Variants in CFAP43 observed in about 807,000 individuals in gnomAD.
The protein encoded by CFAP43 is cilia and flagella associated protein 43.
A neutral mutation model predicts 218.9 loss-of-function variants in CFAP43; 155 were observed. The ratio of observed to expected loss-of-function variants is 0.71; its 90% CI spans 0.62 to 0.81. The LOEUF is 0.81. Among genes scored for constraint, CFAP43 ranks in the 30% least tolerant of loss-of-function variants. The pLI, the probability that CFAP43 is intolerant of heterozygous loss-of-function variation, is 0.00. For synonymous variants in CFAP43, 645 were observed against 681.3 expected, an observed-to-expected ratio of 0.95 and a Z score of 0.83; for missense variants, 1,778 against 1,954.3, an observed-to-expected ratio of 0.91 and a Z score of 1.70.
Position 104,214,403 on chromosome 10 carries a change from A to C in CFAP43, c.440T>G (p.Leu147Trp). The C allele has an allele frequency of 6.3e-7, 1 of 1,594,336 alleles. No homozygotes were observed. The highest frequency in any genetic ancestry group is 1.1e-5 in the South Asian group (1 of 87,046). ...CATTCCAGGCTGTGATTTCTTACAC[A>C]AAATGATACTCGATTCCCAGTTCCT... ...ALWNWESSII[L>W]CKKSQPGMDV... Residue 147 changes from leucine to tryptophan, a missense_variant, in exon 4 of 38, where the codon TTG becomes TGG. By Grantham distance (61) the Leu-to-Trp change is moderately conservative. This residue lies in a region of CFAP43 where 1,553 missense variants were observed against 1,685.2 expected (regional missense o/e 0.92). Transcript: ENST00000357060.
rs2091475317 is a variant in CFAP43 at position 104,232,349 on chromosome 10, C to T, written c.-103G>A. 13 of 1,170,466 alleles carry T rather than the reference C, an allele frequency of 1.1e-5. No homozygotes were observed. The highest frequency in any genetic ancestry group is 1.4e-5 in the Non-Finnish European group (12 of 861,354). 72.5% of individuals were successfully genotyped at this position (1,170,466 alleles called of 1,614,324 possible). On this transcript the variant is annotated 5_prime_UTR_variant, in exon 1 of 38. Coordinates refer to ENST00000357060, the MANE Select transcript of CFAP43 (RefSeq NM_025145.7). ...GGGGCTGCGGGCCGCGACGCCGCTG[C>T]TGTGTACACCCGTATCCCGGAGACC...
intron 10 of CFAP43, 139 bp from the exon 11 acceptor site, chr10:104,194,153 T>C (rs1052786801): frequency 3.3e-6 from 3 of 896,168 alleles, no homozygotes; most frequent in African/African-American, 3.3e-5. Flanking sequence ...TTTCAAATTA[T>C]ACCCTCAACG....
intron 34 of CFAP43, among the ~76,000 whole-genome samples, chr10:104,135,757 T>A (rs2087411832): frequency 6.6e-6 from 1 of 151,518 alleles, no homozygotes; most frequent in African/African-American, 2.4e-5. Context: ...TGTTCTTGGA[T>A]CAAAAGACTT....
intron 19 of CFAP43, among the ~76,000 whole-genome samples, chr10:104,176,116 A>G (rs546957686): frequency 6.6e-6 from 1 of 152,346 alleles, no homozygotes; most frequent in South Asian, 2.1e-4. Flanking sequence ...AAGAACTATT[A>G]TAAAGTGATA....
chr10:104,187,258 C>T, intron 14 of CFAP43, 62 bp downstream of exon 14: 4 of 1,384,250 alleles, frequency 2.9e-6, no homozygotes, highest in Non-Finnish European at 3.8e-6. Flanking sequence ...CACATCTAAT[C>T]AGTATAATGT....
chr10:104,217,690 T>C (rs1376035641), intron 3 of CFAP43, among the ~76,000 whole-genome samples: 1 of 152,156 alleles, frequency 6.6e-6, no homozygotes, highest in Non-Finnish European at 1.5e-5. Flanking sequence ...GTGGCAATCA[T>C]CCTGCAGAGC....
In CFAP43 at chr10:104,168,788, C is replaced by T; in HGVS notation, c.2647G>A (p.Glu883Lys). 6.2e-7 allele frequency: 1 copy of T among 1,614,096 alleles called. No homozygotes were observed. Among genetic ancestry groups the T allele is most frequent in the Non-Finnish European group, 8.5e-7 (1 of 1,180,016 alleles). ...AKSYLAELIKEECWNSMAVKG... is the reference protein window; with the variant it reads ...AKSYLAELIKKECWNSMAVKG... The stretch of plus-strand genomic sequence containing the variant: ...ACAGCCATCGAATTCCAACATTCTT[C>T]TTTGATAAGTTCAGCCAAATAGCTC... Residue 883 changes from glutamate (E) to lysine (K), a missense_variant, in exon 21 of 38, where the codon GAA becomes AAA. Glu to Lys is a moderately conservative substitution (Grantham distance 56). Around this residue, in one of 3 missense-constraint regions of CFAP43, gnomAD observed 1,553 missense variants for 1,685.2 expected, o/e 0.92. Transcript: ENST00000357060.
intron 6 of CFAP43, among the ~76,000 whole-genome samples, chr10:104,206,496 T>C (rs1386043493): frequency 6.6e-6 from 1 of 151,436 alleles, no homozygotes; most frequent in Admixed American, 6.6e-5. Flanking sequence ...ATTAATGGAG[T>C]AGGTAGGATC....
chr10:104,201,829 T>G (rs1454198617), intron 8 of CFAP43, among the ~76,000 whole-genome samples: 1 of 152,228 alleles, frequency 6.6e-6, no homozygotes, highest in East Asian at 1.9e-4. Context: ...AAGTAAATTC[T>G]TTAGAATTTT....
chr10:104,209,984 ATTATT>A lies in CFAP43; in HGVS notation c.735+2018_735+2022del, dbSNP rs201185445. The stretch of plus-strand genomic sequence containing the variant: ...CCTGTAAATTTTTTCTTTATTTTTA[ATTATT>A]TTATTTTATTTTTTCTCCCATATAC... On this transcript the variant is annotated intron_variant, in intron 5 of 37. Coordinates refer to ENST00000357060, the MANE Select transcript of CFAP43 (RefSeq NM_025145.7). Among the ~76,000 whole-genome samples the A allele has an allele frequency of 8.0e-3, 1,225 of 152,176 alleles. 13 individuals are homozygous for A. Among genetic ancestry groups the A allele is most frequent in the African/African-American group, 0.024 (1,015 of 41,512 alleles).
At chr10:104,200,896 G>A (rs914364022) in intron 8 of CFAP43, among the ~76,000 whole-genome samples, 2 of 152,106 alleles carry the variant, frequency 1.3e-5, no homozygotes, top group African/African-American at 4.8e-5. Flanking sequence ...GGGGATTGGA[G>A]TCCACGTCAT....
At chr10:104,161,786 A>ATAAG (rs987104610) in intron 26 of CFAP43, among the ~76,000 whole-genome samples, 175 bp downstream of exon 26, 3 of 152,142 alleles carry the variant, frequency 2.0e-5, no homozygotes, top group Admixed American at 6.6e-5. Flanking sequence ...GATTACAAGC[A>ATAAG]TAAGCCACCA....
At position 104,130,333 on chromosome 10, in the gene CFAP43, G is replaced by T. The variant is rs768938259; in HGVS notation, c.4832-28C>A. ...ATCCCAAAAATGAATAAAGGAATTCGATTATTTATCAATACTTTCAAATAC... is the reference window on the plus strand; with the variant it reads ...ATCCCAAAAATGAATAAAGGAATTCTATTATTTATCAATACTTTCAAATAC... On this transcript the variant is annotated intron_variant, in intron 37 of 37. Coordinates refer to ENST00000357060, the MANE Select transcript of CFAP43 (RefSeq NM_025145.7). The T allele has an allele frequency of 2.5e-6, 4 of 1,588,372 alleles. No homozygotes were observed. The South Asian group carries it at 3.5e-5, about 14-fold the overall frequency.
intron 19 of CFAP43, 106 bp from the exon 20 acceptor site, chr10:104,172,641 T>A: frequency 1.0e-6 from 1 of 1,002,108 alleles, no homozygotes; most frequent in Non-Finnish European, 1.4e-6. Flanking sequence ...ATAGATGTTC[T>A]ATTTATCAAA....
chr10:104,196,662 T>C (rs2090389067), intron 10 of CFAP43, among the ~76,000 whole-genome samples, 191 bp downstream of exon 10: 1 of 152,214 alleles, frequency 6.6e-6, no homozygotes, highest in East Asian at 1.9e-4. Flanking sequence ...ACCAATATTG[T>C]ATGCTATGGT....
rs77604302 is a variant in CFAP43 at position 104,145,121 on chromosome 10, G to A, written c.3944+355C>T. ...CAAGTAGTTCCGATTTATACATCAG[G>A]GAACTTGTGTTTGTTTGAACGCACT... On this transcript the variant is annotated intron_variant, in intron 31 of 37. Coordinates refer to ENST00000357060, the MANE Select transcript of CFAP43 (RefSeq NM_025145.7). 8.7e-4 allele frequency among the ~76,000 whole-genome samples: 133 copies of A among 152,250 alleles called. 2 individuals carry two copies. The East Asian group carries it at 0.021, about 24-fold the overall frequency.
At chr10:104,197,785 G>A (rs2090419948) in intron 9 of CFAP43, 137 bp downstream of exon 9, 1 of 593,176 alleles carries the variant, frequency 1.7e-6, no homozygotes, top group Admixed American at 3.1e-5. Context: ...CAGTCTTCAA[G>A]GACAGCCTCT....
chr10:104,168,785 C>A lies in CFAP43; in HGVS notation c.2650G>T (p.Glu884Ter). Residue 884 changes from glutamate (E) to a stop codon, truncating the protein, a stop_gained, in exon 21 of 38, where the codon GAA (glutamate) becomes TAA (stop). Transcript: ENST00000357060. LOFTEE classifies it high-confidence loss of function. Reference sequence around the variant, plus strand: ...TTCACAGCCATCGAATTCCAACATTCTTCTTTGATAAGTTCAGCCAAATAG... The same window carrying A: ...TTCACAGCCATCGAATTCCAACATTATTCTTTGATAAGTTCAGCCAAATAG... ...KSYLAELIKE[E>*]CWNSMAVKGR... The A allele has an allele frequency of 6.2e-7, 1 of 1,614,140 alleles. No individual in the cohort carries two copies. Among genetic ancestry groups the A allele is most frequent in the Non-Finnish European group, 8.5e-7 (1 of 1,180,030 alleles).
At chr10:104,220,570 T>G (rs1319331156) in intron 3 of CFAP43, among the ~76,000 whole-genome samples, 1 of 148,000 alleles carries the variant, frequency 6.8e-6, no homozygotes, top group Non-Finnish European at 1.5e-5. Context: ...CAAGTAGCTA[T>G]AAGAACAAAA....
Sources: allele counts gnomAD v4.1 joint callset (sites outside exome capture counted in the v4.1 genomes callset), GRCh38; gene constraint gnomAD v4.1.1; regional missense constraint gnomAD v4.1.1; transcripts MANE v1.5; gene names NCBI Gene and HGNC (gene_info 2026-07-23, HGNC 2026-07-21).